LPAR1: variants seen among roughly 807,000 people sequenced by gnomAD.
LPAR1 encodes the protein lysophosphatidic acid receptor 1.
A neutral mutation model predicts 23.8 loss-of-function variants in LPAR1; 5 were observed. The observed-to-expected ratio is 0.21, with a 90% CI of 0.11 to 0.44. LPAR1 has a LOEUF of 0.44. LPAR1 is among the 20% of genes least tolerant of loss of function. The probability of loss-of-function intolerance (pLI) is 0.99; values close to 1 mark genes in which losing one functional copy is unlikely to be tolerated. For missense variants in LPAR1, 311 were observed against 482.8 expected, an observed-to-expected ratio of 0.64 and a Z score of 3.33; for synonymous variants, 160 against 164.7, an observed-to-expected ratio of 0.97 and a Z score of 0.22.
At chr9:110,938,779 T>C (rs905962213) in intron 5 of LPAR1, among the ~76,000 whole-genome samples, 1 of 151,102 alleles carries the variant, frequency 6.6e-6, no homozygotes, top group Non-Finnish European at 1.5e-5. Flanking sequence ...GAGGCTGAAG[T>C]GGGAGAACTG....
At chr9:111,023,619 A>C (rs10980696) in intron 2 of LPAR1, among the ~76,000 whole-genome samples, 2,997 of 152,294 alleles carry the variant, frequency 0.02, 93 homozygotes, top group African/African-American at 0.068. Flanking sequence ...GCTACTAGCA[A>C]AATAACCGAT....
intron 5 of LPAR1, among the ~76,000 whole-genome samples, chr9:110,932,470 T>C (rs1279497832): frequency 6.6e-6 from 1 of 152,226 alleles, no homozygotes; most frequent in East Asian, 1.9e-4. Flanking sequence ...AACCCAGCCA[T>C]TCGTCATTTC....
At chr9:111,032,679 A>C (rs1004720373) in intron 2 of LPAR1, among the ~76,000 whole-genome samples, 1 of 152,216 alleles carries the variant, frequency 6.6e-6, no homozygotes, top group Non-Finnish European at 1.5e-5. Context: ...TAGGGGAAGA[A>C]AATTTAGTAG....
chr9:110,916,637 C>CT (rs201387215), intron 5 of LPAR1, among the ~76,000 whole-genome samples: 1 of 151,944 alleles, frequency 6.6e-6, no homozygotes, highest in Non-Finnish European at 1.5e-5. Flanking sequence ...GTTGGCCATA[C>CT]TTTTTTTCCT....
intron 5 of LPAR1, among the ~76,000 whole-genome samples, chr9:110,939,585 A>G (rs2094951841): frequency 6.6e-6 from 1 of 152,210 alleles, no homozygotes. Context: ...AGTGGCATTT[A>G]GGGCAAATGT....
At chr9:110,908,681 T>C (rs1337486942) in intron 5 of LPAR1, among the ~76,000 whole-genome samples, 5 of 152,158 alleles carry the variant, frequency 3.3e-5, no homozygotes, top group Admixed American at 2.0e-4. Flanking sequence ...CTAGGAGGCC[T>C]TGAAAATGCA....
At chr9:110,997,636 T>C (rs1340004126) in intron 2 of LPAR1, among the ~76,000 whole-genome samples, 1 of 152,204 alleles carries the variant, frequency 6.6e-6, no homozygotes, top group Non-Finnish European at 1.5e-5. Context: ...TAGTAGAAAC[T>C]AGACATCTGT....
chr9:110,987,493 T>C (rs752521685), intron 2 of LPAR1, among the ~76,000 whole-genome samples: 12 of 151,658 alleles, frequency 7.9e-5, no homozygotes, highest in Non-Finnish European at 1.2e-4. Flanking sequence ...GTCTCCAAAT[T>C]TGGGGGGAGA....
At chr9:110,916,769 A>C (rs1357345182) in intron 5 of LPAR1, among the ~76,000 whole-genome samples, 1 of 152,176 alleles carries the variant, frequency 6.6e-6, no homozygotes, top group Non-Finnish European at 1.5e-5. Context: ...AACTCCACTC[A>C]CTTTAACTAG....
intron 5 of LPAR1, among the ~76,000 whole-genome samples, chr9:110,908,330 T>C (rs949789615): frequency 6.7e-6 from 1 of 149,152 alleles, no homozygotes; most frequent in African/African-American, 2.4e-5. Flanking sequence ...TATTAATTAA[T>C]ATATTATAAT....
intron 5 of LPAR1, among the ~76,000 whole-genome samples, chr9:110,877,117 C>A (rs752025259): frequency 2.0e-5 from 3 of 152,222 alleles, no homozygotes; most frequent in Non-Finnish European, 2.9e-5. Flanking sequence ...CAGGCTTGGA[C>A]TGGGGTCATG....
At chr9:111,001,102 C>A (rs2097121134) in intron 2 of LPAR1, among the ~76,000 whole-genome samples, 1 of 152,130 alleles carries the variant, frequency 6.6e-6, no homozygotes, top group South Asian at 2.1e-4. Context: ...TCTTCAATAT[C>A]AGGAATAACA....
Position 110,988,644 on chromosome 9 carries a change from T to C in LPAR1, c.-181-15086A>G, listed in dbSNP as rs1274812839. Among the ~76,000 whole-genome samples the C allele has an allele frequency of 3.5e-5, 3 of 85,318 alleles. No individual in the cohort carries two copies. The East Asian group carries it at 6.8e-4, about 19-fold the overall frequency. The allele number at this position is 85,318 out of a possible 152,430, so 56.0% of individuals were successfully genotyped here. On this transcript the variant is annotated intron_variant, in intron 2 of 5. Coordinates refer to ENST00000683809, the MANE Select transcript of LPAR1 (RefSeq NM_001351411.2). ...ATAATTTAAAAGACATAATAACAAG[T>C]GTTGGTTAAGAATGTGGAGAAATTG...
chr9:110,883,143 G>A (rs1255762415), intron 5 of LPAR1, among the ~76,000 whole-genome samples: 1 of 152,094 alleles, frequency 6.6e-6, no homozygotes, highest in African/African-American at 2.4e-5. Context: ...AGATTCAAGC[G>A]ATTCCCTTGC....
chr9:110,917,209 C>T (rs1043692787), intron 5 of LPAR1, among the ~76,000 whole-genome samples: 3 of 150,340 alleles, frequency 2.0e-5, no homozygotes. Context: ...ATTAGCCAGG[C>T]ATGGTGGTAC....
At chr9:111,031,088 CA>C (rs1181164713) in intron 2 of LPAR1, among the ~76,000 whole-genome samples, 1 of 152,030 alleles carries the variant, frequency 6.6e-6, no homozygotes, top group Non-Finnish European at 1.5e-5. Flanking sequence ...GAGATTTTTA[CA>C]TTTACTTTAG....
chr9:111,005,546 CAAAA>C (rs60143050), intron 2 of LPAR1, among the ~76,000 whole-genome samples: 197 of 70,324 alleles, frequency 2.8e-3, no homozygotes, highest in African/African-American at 0.013. Context: ...GACCCTGTCT[CAAAA>C]AAAAAAAAAA....
chr9:111,033,215 T>C (rs542101696), intron 2 of LPAR1, among the ~76,000 whole-genome samples: 16 of 152,286 alleles, frequency 1.1e-4, no homozygotes, highest in African/African-American at 2.9e-4. Flanking sequence ...GACAGGGACA[T>C]GCAAGTATTA....
chr9:111,020,752 C>T (rs1047509751), intron 2 of LPAR1, among the ~76,000 whole-genome samples: 5 of 152,106 alleles, frequency 3.3e-5, no homozygotes, highest in Non-Finnish European at 5.9e-5. Flanking sequence ...GTGACCTGCC[C>T]CTGCCTTGTC....
Sources: gnomAD v4.1 joint callset for allele counts (sites outside exome capture counted in the v4.1 genomes callset) on GRCh38, gnomAD v4.1.1 for gene constraint, MANE v1.5 for transcripts, NCBI Gene and HGNC (gene_info 2026-07-23, HGNC 2026-07-21) for gene names.